Variants in ZNF676 observed in about 807,000 individuals in gnomAD.
ZNF676 encodes zinc finger protein 676.
In ZNF676, 4 loss-of-function variants were observed where a neutral mutation model predicts 6.0. The observed-to-expected ratio is 0.67, with a 90% CI of 0.33 to 1.53. The LOEUF (loss-of-function observed/expected upper bound fraction) is 1.53. ZNF676 is among the 40% of genes most tolerant of loss of function. ZNF676 has a pLI of 0.06. For missense variants in ZNF676, 644 were observed against 679.7 expected, an observed-to-expected ratio of 0.95 and a Z score of 0.58; for synonymous variants, 198 against 223.1, an observed-to-expected ratio of 0.89 and a Z score of 1.00.
chr19:22,179,933 C>T lies in ZNF676; in HGVS notation c.*17G>A, dbSNP rs1170318743. On this transcript the variant is annotated 3_prime_UTR_variant, in exon 3 of 3. Transcript: ENST00000397121. The stretch of plus-strand genomic sequence containing the variant: ...GACTGAGAATCAGCTGAAGGATTTA[C>T]CACATTCTTCACATTTTTAGGGATT... The T allele has an allele frequency of 6.2e-7, 1 of 1,603,248 alleles. No individual in the cohort carries two copies. The highest frequency in any genetic ancestry group is 8.5e-7 in the Non-Finnish European group (1 of 1,173,108).
the ZNF676 span, among the ~76,000 whole-genome samples, chr19:22,250,317 A>G: frequency 2.0e-5 from 3 of 152,190 alleles, no homozygotes; most frequent in Admixed American, 6.5e-5. Flanking sequence ...CCTTTTGAAT[A>G]AACTACAAGA....
In ZNF676 at chr19:22,196,785, G is replaced by T. The variant is rs2360001; in HGVS notation, c.-152C>A. 550,421 of 1,418,698 alleles carry T rather than the reference G, an allele frequency of 0.39. 109,977 individuals carry two copies. Among genetic ancestry groups the T allele is most frequent in the African/African-American group, 0.66 (46,328 of 70,156 alleles). The allele number at this position is 1,418,698 out of a possible 1,614,324, so 87.9% of individuals were successfully genotyped here. A position where few individuals can be genotyped will look rare whatever the true frequency, so the allele number is the denominator to read the frequency against. On this transcript the variant is annotated 5_prime_UTR_variant, in exon 1 of 3. Coordinates refer to ENST00000397121, the MANE Select transcript of ZNF676 (RefSeq NM_001001411.3). ...ATTGGTCATGGGCAGAACTTTTAAT[G>T]TGACTCAAGGTAAAATGGAGAGAGT...
chr19:22,206,750 G>C (rs1248017553), intron 1 of ZNF676, among the ~76,000 whole-genome samples: 1 of 151,590 alleles, frequency 6.6e-6, no homozygotes, highest in East Asian at 1.9e-4. Context: ...AACCCACTAT[G>C]ATCAACTATG....
chr19:22,196,863 G>T lies in ZNF676; in HGVS notation c.-230C>A. 1 of 837,300 alleles carries T rather than the reference G, an allele frequency of 1.2e-6. No individual in the cohort carries two copies. Among genetic ancestry groups the T allele is most frequent in the Non-Finnish European group, 1.9e-6 (1 of 533,098 alleles). 51.9% of individuals were successfully genotyped at this position (837,300 alleles called of 1,614,324 possible). The stretch of plus-strand genomic sequence containing the variant: ...ATGACTGAAATTATTCAATAAAATA[G>T]TTTTCAACACAGAAATGTTCACTAA... On this transcript the variant is annotated 5_prime_UTR_variant, in exon 1 of 3. Transcript: ENST00000397121.
chr19:22,202,026 C>A (rs2024031010), intron 1 of ZNF676, among the ~76,000 whole-genome samples: 1 of 152,084 alleles, frequency 6.6e-6, no homozygotes, highest in African/African-American at 2.4e-5. Context: ...GACTTGCATT[C>A]CTCAGATAAA....
upstream of ZNF676, among the ~76,000 whole-genome samples, chr19:22,197,213 T>C (rs1370832313): frequency 6.6e-6 from 1 of 151,412 alleles, no homozygotes; most frequent in African/African-American, 2.4e-5. Context: ...TCCTAGCTAC[T>C]CGGGAGGCTG....
chr19:22,216,255 T>C (rs1568537916), upstream of ZNF676, among the ~76,000 whole-genome samples: 1 of 152,090 alleles, frequency 6.6e-6, no homozygotes, highest in Non-Finnish European at 1.5e-5. Flanking sequence ...GTTGACATGG[T>C]GAAACCCCTT....
intron 2 of ZNF676, among the ~76,000 whole-genome samples, chr19:22,189,872 A>G (rs2023881150): frequency 6.6e-6 from 1 of 152,178 alleles, no homozygotes; most frequent in African/African-American, 2.4e-5. Context: ...CCAGGAAACA[A>G]CAGATGCTGC....
chr19:22,227,337 A>G, the ZNF676 span, among the ~76,000 whole-genome samples: 1 of 152,202 alleles, frequency 6.6e-6, no homozygotes, highest in Non-Finnish European at 1.5e-5. Flanking sequence ...AATGTACCAG[A>G]ATCTCTGGGT....
the ZNF676 span, among the ~76,000 whole-genome samples, chr19:22,237,542 T>G: frequency 6.6e-6 from 1 of 152,192 alleles, no homozygotes; most frequent in African/African-American, 2.4e-5. Context: ...TTTAGTCTAC[T>G]TATATGCCTA....
intron 1 of ZNF676, among the ~76,000 whole-genome samples, chr19:22,194,910 A>T (rs1157141633): frequency 6.6e-6 from 1 of 152,146 alleles, no homozygotes; most frequent in Non-Finnish European, 1.5e-5. Context: ...GTTATAGGAG[A>T]CAAACCTACC....
chr19:22,204,639 TACTC>T (rs1446893437), intron 1 of ZNF676, among the ~76,000 whole-genome samples: 2 of 152,232 alleles, frequency 1.3e-5, no homozygotes, highest in Admixed American at 1.3e-4. Context: ...CCAAAGAACT[TACTC>T]AGGATCTTTT....
At chr19:22,203,769 T>C (rs1047640244) in intron 1 of ZNF676, 2 of 152,148 alleles carry the variant, frequency 1.3e-5, no homozygotes, top group African/African-American at 4.8e-5. Flanking sequence ...TAATTCTGTA[T>C]TTTTGGTAGA....
chr19:22,182,608 CAAA>C (rs140776570), intron 2 of ZNF676, among the ~76,000 whole-genome samples: 3 of 75,236 alleles, frequency 4.0e-5, no homozygotes, highest in African/African-American at 2.0e-4. Context: ...AAAAAGCAAA[CAAA>C]AAAAAGAAGC....
chr19:22,182,593 A>AAACAATAAAAAAC (rs1555773383), intron 2 of ZNF676, among the ~76,000 whole-genome samples: 3 of 90,930 alleles, frequency 3.3e-5, no homozygotes, highest in African/African-American at 1.4e-4. Flanking sequence ...TCTAAAAAAA[A>AAACAATAAAAAAC]AAAAAAAAAG....
chr19:22,256,310 G>A, the ZNF676 span, among the ~76,000 whole-genome samples: 1 of 152,110 alleles, frequency 6.6e-6, no homozygotes, highest in South Asian at 2.1e-4. Context: ...CCAGAGATTT[G>A]TACAATATTC....
At chr19:22,195,858 T>C (rs1280699639) in intron 1 of ZNF676, among the ~76,000 whole-genome samples, 1 of 152,164 alleles carries the variant, frequency 6.6e-6, no homozygotes, top group Non-Finnish European at 1.5e-5. Context: ...CAAAACAAAA[T>C]TCTTGATTTA....
chr19:22,242,337 T>C, the ZNF676 span, among the ~76,000 whole-genome samples: 1 of 151,932 alleles, frequency 6.6e-6, no homozygotes, highest in Non-Finnish European at 1.5e-5. Context: ...CTGTTTTCTG[T>C]GGGCAAGGTG....
upstream of ZNF676, among the ~76,000 whole-genome samples, chr19:22,199,873 T>C (rs1273936716): frequency 6.6e-6 from 1 of 152,214 alleles, no homozygotes; most frequent in African/African-American, 2.4e-5. Context: ...GATTCTATAA[T>C]ACATACTTTA....
Sources: gnomAD v4.1 joint callset for allele counts (sites outside exome capture counted in the v4.1 genomes callset) on GRCh38, gnomAD v4.1.1 for gene constraint, MANE v1.5 for transcripts, NCBI Gene and HGNC (gene_info 2026-07-23, HGNC 2026-07-21) for gene names.